DPH6: variants seen among roughly 807,000 people sequenced by gnomAD.
DPH6 encodes the protein diphthine--ammonia ligase.
A neutral mutation model predicts 38.2 loss-of-function variants in DPH6; 33 were observed. That is an observed-to-expected ratio of 0.86 (90% confidence interval 0.65 to 1.15). The LOEUF (loss-of-function observed/expected upper bound fraction) is 1.15, where lower values mean the gene tolerates loss of function less well. Ranked by LOEUF, DPH6 falls within the 50% of genes most tolerant of loss-of-function variation. The pLI, the probability that DPH6 is intolerant of heterozygous loss-of-function variation, is 0.00. For synonymous variants in DPH6, 108 were observed against 103.0 expected, an observed-to-expected ratio of 1.05 and a Z score of -0.30; for missense variants, 325 against 320.0, an observed-to-expected ratio of 1.02 and a Z score of -0.12.
intron 6 of DPH6, among the ~76,000 whole-genome samples, chr15:35,399,441 C>T (rs2053189082): frequency 6.6e-6 from 1 of 151,934 alleles, no homozygotes; most frequent in African/African-American, 2.4e-5. Context: ...TATAGAGTAA[C>T]AGAAATTCTA....
chr15:35,174,592 T>C, the DPH6 span, among the ~76,000 whole-genome samples: 3 of 152,166 alleles, frequency 2.0e-5, no homozygotes, highest in Non-Finnish European at 4.4e-5. Context: ...TTGAGAGAAA[T>C]GTTTTTCTTG....
intron 3 of DPH6, among the ~76,000 whole-genome samples, chr15:35,279,583 A>G (rs986682128): frequency 6.6e-6 from 1 of 152,034 alleles, no homozygotes; most frequent in Non-Finnish European, 1.5e-5. Flanking sequence ...CTGGTTTAAA[A>G]GAGTGTGGCA....
intron 3 of DPH6, chr15:35,298,322 A>C: frequency 3.3e-6 from 2 of 615,156 alleles, no homozygotes; most frequent in South Asian, 2.7e-5. Flanking sequence ...CCTGTCCACC[A>C]AAATACCTCC....
chr15:35,500,848 T>G (rs1319636056), intron 3 of DPH6, among the ~76,000 whole-genome samples: 1 of 152,094 alleles, frequency 6.6e-6, no homozygotes, highest in Non-Finnish European at 1.5e-5. Context: ...AACCTCTGCC[T>G]CCCAGGTTCT....
intron 6 of DPH6, among the ~76,000 whole-genome samples, chr15:35,395,797 G>A (rs928146414): frequency 9.2e-5 from 14 of 152,086 alleles, no homozygotes. Flanking sequence ...TACATTCCAT[G>A]GAAAATGCCA....
intron 6 of DPH6, among the ~76,000 whole-genome samples, chr15:35,397,906 C>CAA (rs368062420): frequency 6.8e-6 from 1 of 147,196 alleles, no homozygotes; most frequent in East Asian, 2.0e-4. Flanking sequence ...CACACACACA[C>CAA]ACACACACAA....
At chr15:35,527,157 AT>A (rs1357550697) in intron 3 of DPH6, among the ~76,000 whole-genome samples, 1 of 152,168 alleles carries the variant, frequency 6.6e-6, no homozygotes, top group Non-Finnish European at 1.5e-5. Context: ...CTACCACTTA[AT>A]ATTAATATAC....
intron 3 of DPH6, among the ~76,000 whole-genome samples, chr15:35,259,100 G>A (rs1368216001): frequency 1.4e-5 from 2 of 148,066 alleles, no homozygotes; most frequent in Admixed American, 6.8e-5. Flanking sequence ...GGCCGAGATC[G>A]CACCACTACA....
intron 3 of DPH6, among the ~76,000 whole-genome samples, chr15:35,523,081 T>C (rs1015430016): frequency 3.3e-5 from 5 of 152,036 alleles, no homozygotes; most frequent in East Asian, 1.9e-4. Context: ...GTGTATTTTT[T>C]TGTGTTTGAT....
At chr15:35,233,043 C>T (rs2051528834) in intron 3 of DPH6, among the ~76,000 whole-genome samples, 1 of 152,126 alleles carries the variant, frequency 6.6e-6, no homozygotes, top group South Asian at 2.1e-4. Flanking sequence ...CGTGGTGGCT[C>T]ATGCCTGTAA....
intron 3 of DPH6, among the ~76,000 whole-genome samples, chr15:35,288,118 A>AT (rs1208829761): frequency 2.6e-5 from 4 of 152,262 alleles, no homozygotes; most frequent in South Asian, 2.1e-4. Flanking sequence ...TGTCATGTTC[A>AT]TTTTGTCAAC....
chr15:35,287,190 G>T (rs975130862), intron 3 of DPH6, among the ~76,000 whole-genome samples: 2 of 152,044 alleles, frequency 1.3e-5, no homozygotes, highest in Non-Finnish European at 2.9e-5. Flanking sequence ...TGATATATTA[G>T]AAAAATAATG....
At chr15:35,422,780 T>C (rs1332566670) in intron 5 of DPH6, among the ~76,000 whole-genome samples, 2 of 151,894 alleles carry the variant, frequency 1.3e-5, no homozygotes, top group Non-Finnish European at 2.9e-5. Flanking sequence ...AGTTTGACAT[T>C]TTTAGATCAC....
At chr15:35,441,759 T>C (rs891972573) in intron 5 of DPH6, among the ~76,000 whole-genome samples, 2 of 151,654 alleles carry the variant, frequency 1.3e-5, no homozygotes, top group Non-Finnish European at 2.9e-5. Context: ...TGTATACCTA[T>C]TTAATAAACC....
intron 3 of DPH6, among the ~76,000 whole-genome samples, chr15:35,252,305 G>A (rs1252276445): frequency 1.3e-5 from 2 of 152,154 alleles, no homozygotes; most frequent in Admixed American, 6.5e-5. Context: ...AAATTTCCAT[G>A]AAAGATAGTA....
the DPH6 span, among the ~76,000 whole-genome samples, chr15:35,176,418 C>T: frequency 6.6e-6 from 1 of 151,656 alleles, no homozygotes; most frequent in Non-Finnish European, 1.5e-5. Flanking sequence ...TATCTTTTAT[C>T]TTCATTCCCA....
chr15:35,209,645 CAGTTTCTAAAAACTTTA>C, the DPH6 span, among the ~76,000 whole-genome samples: 1 of 152,170 alleles, frequency 6.6e-6, no homozygotes, highest in African/African-American at 2.4e-5. Flanking sequence ...TATATTTCAA[CAGTTTCTAAAAACTTTA>C]AGCTTCTTGT....
chr15:35,145,709 A>G, the DPH6 span, among the ~76,000 whole-genome samples: 14 of 152,192 alleles, frequency 9.2e-5, no homozygotes, highest in Non-Finnish European at 1.5e-4. Flanking sequence ...GAACACACAG[A>G]GATGAAAACA....
intron 5 of DPH6, among the ~76,000 whole-genome samples, chr15:35,434,759 C>CT (rs1050207223): frequency 2.0e-5 from 3 of 151,720 alleles, no homozygotes; most frequent in Non-Finnish European, 4.4e-5. Context: ...ACTACTAAGG[C>CT]TTTTTTTGTT....
Sources: gnomAD v4.1 joint callset for allele counts (sites outside exome capture counted in the v4.1 genomes callset) on GRCh38, gnomAD v4.1.1 for gene constraint, MANE v1.5 for transcripts, NCBI Gene and HGNC (gene_info 2026-07-23, HGNC 2026-07-21) for gene names.